MID1: variants seen among roughly 807,000 people sequenced by gnomAD.
The protein encoded by MID1 is midline 1.
Under a neutral mutation model 40.4 loss-of-function variants are expected in MID1, and 7 were observed. The ratio of observed to expected loss-of-function variants is 0.17; its 90% CI spans 0.10 to 0.33. MID1 has a LOEUF of 0.33. Among genes scored for constraint, MID1 ranks in the 10% least tolerant of loss-of-function variants. MID1 has a pLI of 1.00. For missense variants in MID1, 367 were observed against 558.5 expected (o/e 0.66, Z 3.46); for synonymous variants, 229 against 221.2 (o/e 1.04, Z -0.31).
At chrX:10,705,762 T>C (rs2043226952) in intron 1 of MID1, among the ~76,000 whole-genome samples, 1 of 111,974 alleles carries the variant, frequency 8.9e-6, no homozygotes, top group Admixed American at 9.5e-5. Flanking sequence ...AGCTAAGCTG[T>C]AGAGCTAAGG....
intron 1 of MID1, among the ~76,000 whole-genome samples, chrX:10,787,140 A>G (rs949215555): frequency 9.0e-6 from 1 of 111,562 alleles, no homozygotes; most frequent in African/African-American, 3.3e-5. Flanking sequence ...AAGGGACACT[A>G]TATTTATCTC....
intron 2 of MID1, among the ~76,000 whole-genome samples, chrX:10,565,734 G>C (rs1453242963): frequency 9.0e-6 from 1 of 110,691 alleles, no homozygotes; most frequent in African/African-American, 3.3e-5. Flanking sequence ...ACTGTTGCCT[G>C]AAATTGAACA....
intron 1 of MID1, among the ~76,000 whole-genome samples, chrX:10,778,359 G>A (rs1413258568): frequency 9.0e-6 from 1 of 110,723 alleles, no homozygotes; most frequent in African/African-American, 3.3e-5. Flanking sequence ...TCATTATATG[G>A]TGCATGACCG....
intron 3 of MID1, among the ~76,000 whole-genome samples, chrX:10,519,831 T>A (rs1056298127): frequency 8.9e-6 from 1 of 111,997 alleles, no homozygotes; most frequent in Non-Finnish European, 1.9e-5. Flanking sequence ...TTGGAAAAAG[T>A]TGCTAACTCA....
At chrX:10,538,311 T>G (rs892757213) in intron 2 of MID1, among the ~76,000 whole-genome samples, 4 of 111,678 alleles carry the variant, frequency 3.6e-5, no homozygotes, top group Non-Finnish European at 5.6e-5. Context: ...TCTTCATGTC[T>G]TCTATCTAAT....
chrX:10,760,635 C>A (rs1010677771), intron 1 of MID1, among the ~76,000 whole-genome samples: 1 of 111,033 alleles, frequency 9.0e-6, no homozygotes, highest in South Asian at 3.8e-4. Context: ...CCAGCCTGGG[C>A]AACATAAGGA....
chrX:10,562,619 T>A (rs891997919), intron 2 of MID1, among the ~76,000 whole-genome samples: 6 of 104,872 alleles, frequency 5.7e-5, no homozygotes, highest in African/African-American at 2.3e-4. Context: ...AGACACATTT[T>A]AAAAAATACA....
chrX:10,794,239 GC>G (rs752318334), intron 1 of MID1, among the ~76,000 whole-genome samples: 1 of 111,728 alleles, frequency 9.0e-6, no homozygotes, highest in Non-Finnish European at 1.9e-5. Flanking sequence ...ACTTCAGAAG[GC>G]CCTAACCCAT....
At chrX:10,745,478 G>A (rs756975257) in intron 1 of MID1, among the ~76,000 whole-genome samples, 15 of 112,413 alleles carry the variant, frequency 1.3e-4, no homozygotes, top group Non-Finnish European at 2.4e-4. Context: ...ACTCACAGAA[G>A]TAAGTTGCTT....
chrX:10,784,687 C>A (rs912958533), intron 1 of MID1, among the ~76,000 whole-genome samples: 2 of 110,338 alleles, frequency 1.8e-5, no homozygotes, highest in Admixed American at 9.7e-5. Flanking sequence ...CTCTGGTAAT[C>A]CGCCTGCCTC....
chrX:10,524,417 A>G, intron 2 of MID1, among the ~76,000 whole-genome samples: 1 of 111,970 alleles, frequency 8.9e-6, no homozygotes, highest in Non-Finnish European at 1.9e-5. Flanking sequence ...AAAAAATCAC[A>G]AAACAATCTC....
intron 2 of MID1, chrX:10,565,509 C>G: frequency 3.0e-6 from 1 of 331,182 alleles, no homozygotes; most frequent in Non-Finnish European, 5.9e-6. Flanking sequence ...ACACTGTTTT[C>G]TAAGTGATAA....
chrX:10,749,414 G>A, intron 1 of MID1, among the ~76,000 whole-genome samples: 1 of 111,968 alleles, frequency 8.9e-6, no homozygotes, highest in Middle Eastern at 4.6e-3. Context: ...TTACCAGGAT[G>A]GTTTATGTGC....
At chrX:10,802,493 G>T (rs2044015774) in intron 1 of MID1, among the ~76,000 whole-genome samples, 1 of 111,765 alleles carries the variant, frequency 8.9e-6, no homozygotes, top group Admixed American at 9.5e-5. Context: ...AGTCAGAATG[G>T]CTATTATTAA....
At chrX:10,655,113 C>A (rs1398152015) in intron 1 of MID1, among the ~76,000 whole-genome samples, 1 of 111,647 alleles carries the variant, frequency 9.0e-6, no homozygotes, top group Non-Finnish European at 1.9e-5. Context: ...ATATGCAAGA[C>A]CTCAAAAAAG....
chrX:10,777,388 C>G (rs867469945), intron 1 of MID1, among the ~76,000 whole-genome samples: 1 of 104,529 alleles, frequency 9.6e-6, no homozygotes, highest in South Asian at 4.6e-4. Context: ...TTAGTAGAGA[C>G]GGGTTTCACC....
At chrX:10,774,056 G>A (rs1417758065) in intron 1 of MID1, among the ~76,000 whole-genome samples, 1 of 111,612 alleles carries the variant, frequency 9.0e-6, no homozygotes, top group African/African-American at 3.3e-5. Flanking sequence ...TCAGAAGGAG[G>A]AACAGAAGTA....
chrX:10,451,802 T>G (rs768293406), intron 9 of MID1, among the ~76,000 whole-genome samples: 24 of 111,847 alleles, frequency 2.1e-4, no homozygotes, highest in Non-Finnish European at 4.3e-4. Context: ...TCTGCCATGA[T>G]TGTGGGCTTT....
chrX:10,656,196 A>G (rs377336235), intron 1 of MID1, among the ~76,000 whole-genome samples: 1 of 112,049 alleles, frequency 8.9e-6, no homozygotes, highest in Non-Finnish European at 1.9e-5. Context: ...TGCCCTGTTC[A>G]TTAATTTAGT....
Sources: gnomAD v4.1 joint callset for allele counts (sites outside exome capture counted in the v4.1 genomes callset) on GRCh38, gnomAD v4.1.1 for gene constraint, MANE v1.5 for transcripts, NCBI Gene and HGNC (gene_info 2026-07-23, HGNC 2026-07-21) for gene names.